Variants in CCR6 observed in about 807,000 individuals in gnomAD.
CCR6 encodes C-C chemokine receptor type 6.
A neutral mutation model predicts 3.0 loss-of-function variants in CCR6; 2 were observed. The observed-to-expected ratio is 0.66, with a 90% CI of 0.27 to 2.07. The LOEUF (loss-of-function observed/expected upper bound fraction) is 2.07. CCR6 is among the 30% of genes most tolerant of loss of function. CCR6 has a pLI of 0.14. For synonymous variants in CCR6, 193 were observed against 184.3 expected, an observed-to-expected ratio of 1.05 and a Z score of -0.38; for missense variants, 322 against 462.8, an observed-to-expected ratio of 0.70 and a Z score of 2.79.
At position 167,137,336 on chromosome 6, in the gene CCR6, C is replaced by T. The variant is rs17860852; in HGVS notation, c.1106C>T (p.Ala369Val). The T allele has an allele frequency of 7.6e-3, 12,297 of 1,612,360 alleles. 64 individuals carry two copies. Among genetic ancestry groups the T allele is most frequent in the Non-Finnish European group, 9.2e-3 (10,907 of 1,179,506 alleles). The change falls in exon 3 of 3, where the codon GCG (alanine) becomes GTG (valine). Residue 369 changes from alanine (A) to valine (V), a missense_variant. Transcript: ENST00000341935. This position sits in a 1 kb window ranked among gnomAD's most constrained non-coding sequence, Gnocchi z 4.6. Reference protein sequence around the residue: ...QTSETADNDNASSFTM With the variant: ...QTSETADNDNVSSFTM ...AGTGAGACCGCAGATAACGACAATG[C>T]GTCGTCCTTCACTATGTGATAGAAA...
At chr6:167,118,659 C>T (rs1440555812), upstream of CCR6, among the ~76,000 whole-genome samples, 1 of 152,154 alleles carries the variant, frequency 6.6e-6, no homozygotes, top group African/African-American at 2.4e-5. Flanking sequence ...ACATGTATCC[C>T]AGAAAGGTAT....
rs770445125 is a variant in CCR6, at chr6:167,136,331, T to C, written c.101T>C (p.Leu34Ser). 19 of 1,614,164 alleles carry C rather than the reference T, an allele frequency of 1.2e-5. No individual in the cohort carries two copies. Among genetic ancestry groups the C allele is most frequent in the Admixed American group, 5.0e-5 (3 of 60,020 alleles). Residue 34 changes from leucine (L) to serine (S), a missense_variant, in exon 3 of 3, where the codon TTA becomes TCA. Leu to Ser is a moderately radical substitution (Grantham distance 145, BLOSUM62 -2). Transcript: ENST00000341935. This position sits in a 1 kb window ranked among gnomAD's most constrained non-coding sequence, Gnocchi z 4.6. ...TATTACTCAGTTGATTCTGAGATGT[T>C]ACTGTGCTCCTTGCAGGAGGTCAGG... ...TSYYSVDSEMLLCSLQEVRQF... is the reference protein window; with the variant it reads ...TSYYSVDSEMSLCSLQEVRQF...
intron 1 of CCR6, among the ~76,000 whole-genome samples, chr6:167,129,860 CACTTT>C (rs778715172): frequency 6.6e-6 from 1 of 151,642 alleles, no homozygotes; most frequent in Non-Finnish European, 1.5e-5. Context: ...CAACAATCGA[CACTTT>C]ACTTGAGGCA....
rs147398587 is a variant in CCR6, at chr6:167,136,693, C to T, written c.463C>T (p.Arg155Trp). The change falls in exon 3 of 3, where the codon CGG (arginine) becomes TGG (tryptophan). Residue 155 changes from arginine (R) to tryptophan (W), a missense_variant. Transcript: ENST00000341935. The surrounding 1 kb of genome is among the most constrained non-coding windows in gnomAD (Gnocchi z 4.6). ...CATTGTACAGGCGACTAAGTCATTC[C>T]GGCTCCGATCCAGAACACTACCGCG... is the stretch of plus-strand genomic sequence containing the variant. Reference protein sequence around the residue: ...IAIVQATKSFRLRSRTLPRSK... With the variant: ...IAIVQATKSFWLRSRTLPRSK... 165 of 1,613,996 alleles carry T rather than the reference C, an allele frequency of 1.0e-4. No homozygotes were observed. The highest frequency in any genetic ancestry group is 1.3e-4 in the Non-Finnish European group (159 of 1,180,028).
intron 1 of CCR6, chr6:167,115,375 A>C (rs1182080508): frequency 1.3e-5 from 2 of 152,230 alleles, no homozygotes; most frequent in African/African-American, 4.8e-5. Context: ...ATTTTTAAGT[A>C]AGTCAGAGGA....
At chr6:167,117,540 C>T (rs1012862421) in intron 1 of CCR6, among the ~76,000 whole-genome samples, 1 of 151,356 alleles carries the variant, frequency 6.6e-6, no homozygotes, top group Admixed American at 6.6e-5. Context: ...CCTCAGCCTC[C>T]CGAGTAGCTG....
At chr6:167,135,063 C>T (rs1386030062) in intron 1 of CCR6, 1 of 152,374 alleles carries the variant, frequency 6.6e-6, no homozygotes, top group African/African-American at 2.4e-5. Flanking sequence ...GTTCCCAGCA[C>T]ACGGTATACT....
At chr6:167,119,388 C>T (rs1400165538), upstream of CCR6, 2 of 152,344 alleles carry the variant, frequency 1.3e-5, no homozygotes, top group Non-Finnish European at 2.9e-5. Flanking sequence ...TAGGCCTCAA[C>T]TTTCCAACTA....
chr6:167,118,268 C>T (rs1038887999), upstream of CCR6, among the ~76,000 whole-genome samples: 3 of 152,120 alleles, frequency 2.0e-5, no homozygotes, highest in Non-Finnish European at 2.9e-5. Flanking sequence ...ACTTTGTCTT[C>T]GATCTTCACA....
intron 1 of CCR6, among the ~76,000 whole-genome samples, chr6:167,128,557 T>G (rs1462885845): frequency 6.6e-6 from 1 of 152,238 alleles, no homozygotes; most frequent in African/African-American, 2.4e-5. Context: ...GTGTAGTTGC[T>G]TATTTATTTT....
intron 1 of CCR6, among the ~76,000 whole-genome samples, chr6:167,125,189 A>G (rs146333989): frequency 5.3e-5 from 8 of 152,366 alleles, no homozygotes; most frequent in African/African-American, 1.9e-4. Flanking sequence ...TTATGAAAGT[A>G]AGCACAAATT....
intron 1 of CCR6, among the ~76,000 whole-genome samples, chr6:167,117,561 C>T (rs540181671): frequency 0.02 from 2,989 of 151,564 alleles, 90 homozygotes; most frequent in African/African-American, 0.067. Context: ...GGACTACAGG[C>T]GCGCGCCACC....
chr6:167,123,309 C>T (rs1400188196), intron 1 of CCR6, 86 bp downstream of exon 1: 2 of 152,732 alleles, frequency 1.3e-5, no homozygotes, highest in African/African-American at 2.4e-5. Context: ...GACTGTTTTA[C>T]TCATTAATCT....
chr6:167,135,954 G>A, intron 1 of CCR6, 84 bp from the exon 2 acceptor site: 1 of 666,450 alleles, frequency 1.5e-6, no homozygotes, highest in Non-Finnish European at 2.7e-6. Flanking sequence ...GTTCACACGA[G>A]ATGGAATGCT....
Position 167,125,240 on chromosome 6 carries a change from A to G in CCR6, c.-98+2017A>G, listed in dbSNP as rs1781653179. Among the ~76,000 whole-genome samples, 3 of 152,258 alleles carry G rather than the reference A, an allele frequency of 2.0e-5. No individual in the cohort carries two copies. In the South Asian group the frequency reaches 6.2e-4, roughly 31 times the overall value. Reference sequence around the variant, plus strand: ...ATTGTAACACATTGTTAAGCTAGTTATTAAATGTTTTTAAATTACAAGTCC... The same window carrying G: ...ATTGTAACACATTGTTAAGCTAGTTGTTAAATGTTTTTAAATTACAAGTCC... On this transcript the variant is annotated intron_variant, in intron 1 of 2. Transcript: ENST00000341935.
chr6:167,127,489 C>G (rs774467530), intron 1 of CCR6, among the ~76,000 whole-genome samples: 1 of 152,208 alleles, frequency 6.6e-6, no homozygotes, highest in African/African-American at 2.4e-5. Flanking sequence ...CCCAGAGCAT[C>G]TCTTGGAACT....
intron 1 of CCR6, among the ~76,000 whole-genome samples, chr6:167,117,421 T>C (rs1296115885): frequency 7.8e-5 from 11 of 141,102 alleles, no homozygotes; most frequent in South Asian, 2.3e-4. Context: ...TTTTCTTTTT[T>C]TTTTTTTTTT....
intron 1 of CCR6, among the ~76,000 whole-genome samples, chr6:167,127,452 C>G (rs1010141225): frequency 6.6e-6 from 1 of 152,196 alleles, no homozygotes; most frequent in African/African-American, 2.4e-5. Flanking sequence ...ATTTCCCACC[C>G]CTGTCTGTCT....
intron 1 of CCR6, chr6:167,116,620 C>T: frequency 6.5e-6 from 1 of 152,674 alleles, no homozygotes; most frequent in Non-Finnish European, 1.5e-5. Flanking sequence ...CTGACGGCAG[C>T]CGCCCCCTCG....
Sources: gnomAD v4.1 joint callset for allele counts (sites outside exome capture counted in the v4.1 genomes callset) on GRCh38, gnomAD v4.1.1 for gene constraint, Gnocchi (gnomAD v3.1) non-coding constraint, MANE v1.5 for transcripts, NCBI Gene and HGNC (gene_info 2026-07-23, HGNC 2026-07-21) for gene names.